ADGRV1: variants seen among roughly 807,000 people sequenced by gnomAD.
The protein encoded by ADGRV1 is adhesion G protein-coupled receptor V1.
Under a neutral mutation model 596.2 loss-of-function variants are expected in ADGRV1, and 359 were observed. The ratio of observed to expected loss-of-function variants is 0.60; its 90% CI spans 0.55 to 0.66. The LOEUF (loss-of-function observed/expected upper bound fraction) is 0.66, where lower values mean the gene tolerates loss of function less well. ADGRV1 is among the 30% of genes least tolerant of loss of function. The pLI, the probability that ADGRV1 is intolerant of heterozygous loss-of-function variation, is 0.00. For missense variants in ADGRV1, 7,274 were observed against 7,575.6 expected, an observed-to-expected ratio of 0.96 and a Z score of 1.48; for synonymous variants, 2,681 against 2,679.2, an observed-to-expected ratio of 1.00 and a Z score of -0.02.
In ADGRV1 at chr5:90,651,585, T is replaced by C; in HGVS notation, c.3290-19T>C. The C allele has an allele frequency of 6.9e-7, 1 of 1,441,568 alleles. No individual in the cohort carries two copies. 89.3% of individuals were successfully genotyped at this position (1,441,568 alleles called of 1,614,324 possible). On this transcript the variant is annotated intron_variant, in intron 17 of 89. Coordinates refer to ENST00000405460, the MANE Select transcript of ADGRV1 (RefSeq NM_032119.4). Reference sequence around the variant, plus strand: ...TTAGCTACTTCTTTGTTATTTTGTCTTTTCCACTTTTAATTTAGGTGATAC... The same window carrying C: ...TTAGCTACTTCTTTGTTATTTTGTCCTTTCCACTTTTAATTTAGGTGATAC...
Position 90,683,813 on chromosome 5 carries a change from T to G in ADGRV1, c.5892T>G (p.Asn1964Lys), listed in dbSNP as rs201983595. ...VSSGSLGAHI[N>K]ATLTVLASDD... ...GTGGTTCTTTGGGAGCTCATATTAATGCCACGTTAACAGTTTTGGCTAGTG... is the reference window on the plus strand; with the variant it reads ...GTGGTTCTTTGGGAGCTCATATTAAGGCCACGTTAACAGTTTTGGCTAGTG... The change falls in exon 28 of 90, where the codon AAT becomes AAG. Residue 1964 changes from asparagine (N) to lysine (K), a missense_variant. By Grantham distance (94) the Asn-to-Lys change is moderately conservative (BLOSUM62 0). Around this residue, in one of 5 missense-constraint regions of ADGRV1, gnomAD observed 3,643 missense variants for 3,809.2 expected, o/e 0.96. Coordinates refer to ENST00000405460, the MANE Select transcript of ADGRV1 (RefSeq NM_032119.4). 5.6e-6 allele frequency: 9 copies of G among 1,613,786 alleles called. No homozygotes were observed. In the South Asian group the frequency reaches 7.7e-5, roughly 14 times the overall value.
Position 90,781,223 on chromosome 5 carries a change from C to G in ADGRV1, c.13083-207C>G, listed in dbSNP as rs1160923793. 5 of 579,182 alleles carry G rather than the reference C, an allele frequency of 8.6e-6. No homozygotes were observed. In the South Asian group the frequency reaches 1.0e-4, roughly 12 times the overall value. 35.9% of individuals were successfully genotyped at this position (579,182 alleles called of 1,614,324 possible). A position where few individuals can be genotyped will look rare whatever the true frequency, so the allele number is the denominator to read the frequency against. On this transcript the variant is annotated intron_variant, in intron 64 of 89. Transcript: ENST00000405460. ...TAGTTTTGGCTTCGTACAGGCACCA[C>G]TCATTGGGAGCAACACAGAAATCTG... is the stretch of plus-strand genomic sequence containing the variant.
At chr5:90,615,484 TA>T (rs1258910641) in intron 2 of ADGRV1, among the ~76,000 whole-genome samples, 1 of 151,952 alleles carries the variant, frequency 6.6e-6, no homozygotes, top group East Asian at 1.9e-4. Context: ...TAGAATTTGT[TA>T]AACTATTGAT....
chr5:90,930,246 T>C (rs1775103562), intron 83 of ADGRV1, among the ~76,000 whole-genome samples: 1 of 152,212 alleles, frequency 6.6e-6, no homozygotes. Context: ...GAAACATCGA[T>C]GCCAATATTT....
intron 43 of ADGRV1, 76 bp downstream of exon 43, chr5:90,716,805 T>C: frequency 6.6e-6 from 7 of 1,062,464 alleles, no homozygotes; most frequent in Non-Finnish European, 9.6e-6. Context: ...AGATGAGCAC[T>C]CAAGTCCTAG....
chr5:90,989,182 T>C (rs534752628), intron 85 of ADGRV1, among the ~76,000 whole-genome samples: 19 of 152,090 alleles, frequency 1.2e-4, no homozygotes, highest in Admixed American at 9.8e-4. Flanking sequence ...GGTCAAATGG[T>C]ATTTCTAGTT....
chr5:90,954,977 G>T (rs1199580193), intron 83 of ADGRV1, among the ~76,000 whole-genome samples: 1 of 151,892 alleles, frequency 6.6e-6, no homozygotes, highest in East Asian at 1.9e-4. Context: ...TATTTGGGAG[G>T]TAATTAGGTA....
At chr5:90,648,894 G>T (rs1347372000) in intron 17 of ADGRV1, among the ~76,000 whole-genome samples, 1 of 152,148 alleles carries the variant, frequency 6.6e-6, no homozygotes, top group African/African-American at 2.4e-5. Context: ...TCCATTCGTT[G>T]TTCTAAAATT....
chr5:90,836,346 G>A (rs1341455496), intron 77 of ADGRV1, among the ~76,000 whole-genome samples: 1 of 151,978 alleles, frequency 6.6e-6, no homozygotes, highest in Non-Finnish European at 1.5e-5. Flanking sequence ...CCTTCAATGG[G>A]TGAATAGTTA....
chr5:90,771,288 A>G (rs1287231601), intron 59 of ADGRV1, among the ~76,000 whole-genome samples: 1 of 152,170 alleles, frequency 6.6e-6, no homozygotes, highest in Non-Finnish European at 1.5e-5. Context: ...AGTAAAAAGG[A>G]TATAGATTTT....
chr5:91,096,589 T>C (rs555695566), intron 86 of ADGRV1, among the ~76,000 whole-genome samples: 1 of 152,364 alleles, frequency 6.6e-6, no homozygotes, highest in East Asian at 1.9e-4. Flanking sequence ...TCCTTGTTAA[T>C]TTAAGTATGT....
intron 42 of ADGRV1, among the ~76,000 whole-genome samples, chr5:90,713,219 T>A (rs775073148): frequency 6.6e-6 from 1 of 152,112 alleles, no homozygotes; most frequent in Non-Finnish European, 1.5e-5. Flanking sequence ...ATTATTGGCC[T>A]TTATGGAGAA....
rs1749177208 is a variant in ADGRV1, at chr5:90,710,397, A to T, written c.8825-584A>T. ...GTTAATATTTTAAGGTATTGGTAAC[A>T]TACTAAGTTTGGTGGATAGAATAAA... On this transcript the variant is annotated intron_variant, in intron 39 of 89. Transcript: ENST00000405460. Among the ~76,000 whole-genome samples, 4 of 152,192 alleles carry T rather than the reference A, an allele frequency of 2.6e-5. No homozygotes were observed. In the South Asian group the frequency reaches 8.3e-4, roughly 32 times the overall value.
At position 90,970,627 on chromosome 5, in the gene ADGRV1, G is replaced by A. The variant is rs533227590; in HGVS notation, c.17973+5096G>A. On this transcript the variant is annotated intron_variant, in intron 84 of 89. Coordinates refer to ENST00000405460, the MANE Select transcript of ADGRV1 (RefSeq NM_032119.4). ...AGTGGACCTCCAGCAAACTCCAGCA[G>A]ACCTGCAGCTGAGGGTCCTGACTGT... 2.0e-5 allele frequency among the ~76,000 whole-genome samples: 3 copies of A among 151,434 alleles called. No homozygotes were observed. In the South Asian group the frequency reaches 6.3e-4, roughly 32 times the overall value.
chr5:91,119,820 A>C (rs879644764), intron 87 of ADGRV1, among the ~76,000 whole-genome samples: 1 of 152,194 alleles, frequency 6.6e-6, no homozygotes, highest in Non-Finnish European at 1.5e-5. Flanking sequence ...GAAGTTATAG[A>C]TCTTCCTCAC....
At chr5:90,745,899 T>C in intron 52 of ADGRV1, 104 bp downstream of exon 52, 1 of 671,210 alleles carries the variant, frequency 1.5e-6, no homozygotes, top group South Asian at 1.9e-5. Flanking sequence ...TTGAGTGTCA[T>C]CAGCCTCTCT....
At chr5:90,974,363 T>C (rs1779354907) in intron 84 of ADGRV1, among the ~76,000 whole-genome samples, 1 of 152,200 alleles carries the variant, frequency 6.6e-6, no homozygotes, top group Admixed American at 6.5e-5. Flanking sequence ...AAAGTTCATA[T>C]GGAACCACGA....
chr5:90,783,794 T>G, intron 66 of ADGRV1, 44 bp from the exon 67 acceptor site: 1 of 1,419,266 alleles, frequency 7.0e-7, no homozygotes, highest in Non-Finnish European at 9.6e-7. Flanking sequence ...TACAAGCACT[T>G]TAATATGTTT....
rs980658731 is a variant in ADGRV1, at chr5:90,681,502, A to G, written c.5664+48A>G. On this transcript the variant is annotated intron_variant, in intron 27 of 89. Transcript: ENST00000405460. Reference sequence around the variant, plus strand: ...TTCCTAGACACTTTCTGTTGTTTTAAAAACTGTACTGTGCTATGAAAGTGT... The same window carrying G: ...TTCCTAGACACTTTCTGTTGTTTTAGAAACTGTACTGTGCTATGAAAGTGT... 5 of 1,563,346 alleles carry G rather than the reference A, an allele frequency of 3.2e-6. No individual in the cohort carries two copies. In the African/African-American group the frequency reaches 6.8e-5, roughly 21 times the overall value.
Sources: allele counts gnomAD v4.1 joint callset (sites outside exome capture counted in the v4.1 genomes callset), GRCh38; gene constraint gnomAD v4.1.1; regional missense constraint gnomAD v4.1.1; transcripts MANE v1.5; gene names NCBI Gene and HGNC (gene_info 2026-07-23, HGNC 2026-07-21).